Variants in DNAH5 observed in about 807,000 individuals in gnomAD.
DNAH5 encodes the protein dynein axonemal heavy chain 5.
In DNAH5, 372 loss-of-function variants were observed where a neutral mutation model predicts 518.2. The observed-to-expected ratio is 0.72, with a 90% CI of 0.66 to 0.78. The LOEUF (loss-of-function observed/expected upper bound fraction) is 0.78, where lower values mean the gene tolerates loss of function less well. Among genes scored for constraint, DNAH5 ranks in the 30% least tolerant of loss-of-function variants. The pLI is 0.00. For synonymous variants in DNAH5, 2,039 were observed against 2,025.9 expected (o/e 1.01, Z -0.17); for missense variants, 5,523 against 5,687.0 (o/e 0.97, Z 0.93).
chr5:13,951,347 G>C (rs1479858110), intron 1 of DNAH5, among the ~76,000 whole-genome samples: 1 of 150,048 alleles, frequency 6.7e-6, no homozygotes, highest in African/African-American at 2.5e-5. Context: ...TCCCCAAATA[G>C]CTGGAACCAC....
intron 32 of DNAH5, among the ~76,000 whole-genome samples, chr5:13,842,187 C>T (rs1413769105): frequency 6.6e-6 from 1 of 151,700 alleles, no homozygotes; most frequent in Non-Finnish European, 1.5e-5. Context: ...CAAGACCAGC[C>T]CGGGCAATAT....
Position 13,824,390 on chromosome 5 carries a change from C to T in DNAH5, c.6445-57G>A, listed in dbSNP as rs74763148. The T allele has an allele frequency of 1.3e-3, 2,043 of 1,531,546 alleles. 27 individuals are homozygous for T. In the African/African-American group the frequency reaches 0.024, roughly 18 times the overall value. 94.9% of individuals were successfully genotyped at this position (1,531,546 alleles called of 1,614,324 possible). A position where few individuals can be genotyped will look rare whatever the true frequency, so the allele number is the denominator to read the frequency against. On this transcript the variant is annotated intron_variant, in intron 38 of 78. Coordinates refer to ENST00000265104, the MANE Select transcript of DNAH5 (RefSeq NM_001369.3). ...TCAACATTAAAATACTTGCAGAAGCCATATGAATCTGACAGAAATTATATT... is the reference window on the plus strand; with the variant it reads ...TCAACATTAAAATACTTGCAGAAGCTATATGAATCTGACAGAAATTATATT...
chr5:13,932,653 T>C (rs531253393), intron 1 of DNAH5, among the ~76,000 whole-genome samples: 3 of 152,182 alleles, frequency 2.0e-5, no homozygotes, highest in Non-Finnish European at 2.9e-5. Context: ...TCAAGAGAGA[T>C]AGGTGTTTAG....
upstream of DNAH5, among the ~76,000 whole-genome samples, chr5:13,945,695 T>A (rs934732819): frequency 6.6e-6 from 1 of 151,964 alleles, no homozygotes; most frequent in Non-Finnish European, 1.5e-5. Context: ...AGCCTCAACC[T>A]CCCAGGCTCA....
intron 1 of DNAH5, among the ~76,000 whole-genome samples, chr5:14,002,442 G>A (rs1314542790): frequency 6.6e-6 from 1 of 151,898 alleles, no homozygotes; most frequent in African/African-American, 2.4e-5. Flanking sequence ...GAAAAATTTT[G>A]AGGCTGAGTT....
intron 65 of DNAH5, among the ~76,000 whole-genome samples, chr5:13,747,205 A>C (rs1383563813): frequency 6.6e-6 from 1 of 152,156 alleles, no homozygotes. Context: ...ATGTCCCTAC[A>C]AAGGACATGA....
intron 76 of DNAH5, among the ~76,000 whole-genome samples, chr5:13,703,609 T>C (rs1485278522): frequency 6.6e-6 from 1 of 152,236 alleles, no homozygotes; most frequent in Non-Finnish European, 1.5e-5. Context: ...TTCATTCCTC[T>C]GCTCCCATGC....
At chr5:13,780,494 T>G (rs1367453493) in intron 53 of DNAH5, among the ~76,000 whole-genome samples, 1 of 152,226 alleles carries the variant, frequency 6.6e-6, no homozygotes, top group Non-Finnish European at 1.5e-5. Flanking sequence ...TTTTCCATTG[T>G]ATTAACATCC....
At chr5:13,884,929 CACACAT>C (rs1772185473) in intron 19 of DNAH5, 54 bp downstream of exon 19, 1 of 1,611,760 alleles carries the variant, frequency 6.2e-7, no homozygotes, top group East Asian at 2.2e-5. Flanking sequence ...CACACACACA[CACACAT>C]ACCCCAGCAA....
chr5:13,775,839 AT>A (rs1754011194), intron 55 of DNAH5, among the ~76,000 whole-genome samples: 2 of 152,176 alleles, frequency 1.3e-5, no homozygotes, highest in Admixed American at 1.3e-4. Context: ...GCTCTTCTGC[AT>A]AAAACATTTT....
intron 78 of DNAH5, among the ~76,000 whole-genome samples, chr5:13,692,551 C>A (rs919891015): frequency 1.3e-5 from 2 of 152,194 alleles, no homozygotes; most frequent in African/African-American, 4.8e-5. Context: ...ATTTCAAAAT[C>A]TTCAACCCTG....
Position 13,751,262 on chromosome 5 carries a change from T to G in DNAH5, c.11029-2A>C. 1.2e-6 allele frequency: 2 copies of G among 1,611,302 alleles called. No homozygotes were observed. The highest frequency in any genetic ancestry group is 1.7e-6 in the Non-Finnish European group (2 of 1,178,676). On this transcript the variant is annotated splice_acceptor_variant, in intron 64 of 78. Transcript: ENST00000265104. LOFTEE classifies it high-confidence loss of function. ...TACTTCCTTGTCACCAACTTTCACC[T>G]TTTTTATAAAAAGAAATTTAAAAGT...
chr5:13,801,955 GC>G (rs1358601888), intron 47 of DNAH5, among the ~76,000 whole-genome samples: 1 of 151,330 alleles, frequency 6.6e-6, no homozygotes, highest in East Asian at 1.9e-4. Context: ...CCATTTCTAA[GC>G]CAAAAAAAAA....
intron 65 of DNAH5, among the ~76,000 whole-genome samples, chr5:13,747,928 G>C (rs1332338909): frequency 6.6e-6 from 1 of 152,124 alleles, no homozygotes; most frequent in African/African-American, 2.4e-5. Context: ...ATTGCTTTTG[G>C]TGTTTTAGTC....
At chr5:13,839,296 A>G (rs972477043) in intron 35 of DNAH5, 60 bp downstream of exon 35, 1 of 1,542,828 alleles carries the variant, frequency 6.5e-7, no homozygotes, top group African/African-American at 1.4e-5. Flanking sequence ...TTAAGCAAAA[A>G]TCCCCTGAGC....
chr5:13,768,849 T>C, intron 58 of DNAH5, 111 bp downstream of exon 58: 1 of 1,230,102 alleles, frequency 8.1e-7, no homozygotes, highest in Non-Finnish European at 1.2e-6. Flanking sequence ...CTCAAGTGGA[T>C]AGAGCTTTCA....
At chr5:13,823,123 T>G (rs1232495231) in intron 40 of DNAH5, 140 bp downstream of exon 40, 18 of 759,252 alleles carry the variant, frequency 2.4e-5, no homozygotes, top group Non-Finnish European at 4.1e-5. Flanking sequence ...TTGGCCTCCC[T>G]TAAGACAGCA....
At chr5:13,871,278 T>G (rs1212039926) in intron 23 of DNAH5, among the ~76,000 whole-genome samples, 1 of 152,238 alleles carries the variant, frequency 6.6e-6, no homozygotes, top group African/African-American at 2.4e-5. Flanking sequence ...GGTTTGTTAT[T>G]GTTATTTATT....
intron 39 of DNAH5, among the ~76,000 whole-genome samples, chr5:13,823,790 C>A (rs1762540489): frequency 6.6e-6 from 1 of 152,086 alleles, no homozygotes; most frequent in African/African-American, 2.4e-5. Context: ...TTACATAGAT[C>A]CACGGATAGT....
Sources: gnomAD v4.1 joint callset for allele counts (sites outside exome capture counted in the v4.1 genomes callset) on GRCh38, gnomAD v4.1.1 for gene constraint, MANE v1.5 for transcripts, NCBI Gene and HGNC (gene_info 2026-07-23, HGNC 2026-07-21) for gene names.